The following AKAP13 variants were observed in gnomAD, a reference collection of about 807,000 sequenced individuals.
AKAP13 encodes the protein A-kinase anchor protein 13.
AKAP13 carries 80 observed loss-of-function variants against 264.5 expected under a neutral mutation model. The observed-to-expected ratio is 0.30, with a 90% CI of 0.25 to 0.36. AKAP13 has a LOEUF of 0.36. AKAP13 is among the 10% of genes least tolerant of loss of function. The probability of loss-of-function intolerance (pLI) is 1.00; values close to 1 mark genes in which losing one functional copy is unlikely to be tolerated. For missense variants in AKAP13, 3,712 were observed against 3,435.2 expected (o/e 1.08, Z -2.01); for synonymous variants, 1,380 against 1,250.2 (o/e 1.10, Z -2.19).
At chr15:85,731,810 G>T (rs546419766) in intron 30 of AKAP13, among the ~76,000 whole-genome samples, 1 of 152,024 alleles carries the variant, frequency 6.6e-6, no homozygotes, top group Non-Finnish European at 1.5e-5. Flanking sequence ...GGCCAGGCAC[G>T]GTGGCTCATT....
chr15:85,709,549 G>A (rs1323831826), intron 18 of AKAP13, among the ~76,000 whole-genome samples: 1 of 152,108 alleles, frequency 6.6e-6, no homozygotes, highest in Non-Finnish European at 1.5e-5. Context: ...AGTCATTTGA[G>A]TTTGTGATCT....
At chr15:85,552,156 A>G (rs2077980418) in intron 5 of AKAP13, among the ~76,000 whole-genome samples, 2 of 152,252 alleles carry the variant, frequency 1.3e-5, no homozygotes, top group Non-Finnish European at 1.5e-5. Context: ...GCATTTATTA[A>G]TATCTGCCTG....
At position 85,696,550 on chromosome 15, in the gene AKAP13, C is replaced by G. The variant is rs370498200; in HGVS notation, c.5464+3099C>G. Among the ~76,000 whole-genome samples the G allele has an allele frequency of 2.0e-4, 30 of 152,256 alleles. No individual in the cohort carries two copies. The East Asian group carries it at 5.2e-3, about 26-fold the overall frequency. ...GGATTGTTTTTTACATCCCTCCTTG[C>G]AGTGTGCCAGTTCTTCTTTTGGAGA... On this transcript the variant is annotated intron_variant, in intron 17 of 36. Transcript: ENST00000394518.
rs1330987897 is a variant in AKAP13, at chr15:85,537,733, A to ATC, written c.478+3859_478+3860dup. Among the ~76,000 whole-genome samples, 7 of 152,314 alleles carry ATC rather than the reference A, an allele frequency of 4.6e-5. 1 individual carries two copies. The South Asian group carries it at 1.5e-3, about 32-fold the overall frequency. On this transcript the variant is annotated intron_variant, in intron 4 of 36. Transcript: ENST00000394518. ...TGCAAGAGTTTGTGCAAAATACTCAATCTCTCTGTTACTTAATTTCCTCAT... is the reference window on the plus strand; with the variant it reads ...TGCAAGAGTTTGTGCAAAATACTCAATCTCTCTCTGTTACTTAATTTCCTCAT...
At chr15:85,742,010 A>G (rs2089044163) in intron 35 of AKAP13, among the ~76,000 whole-genome samples, 1 of 152,156 alleles carries the variant, frequency 6.6e-6, no homozygotes, top group African/African-American at 2.4e-5. Context: ...TCGCCACTGC[A>G]CTCCAGCCTG....
At chr15:85,612,705 C>A (rs1050735715) in intron 8 of AKAP13, among the ~76,000 whole-genome samples, 2 of 151,748 alleles carry the variant, frequency 1.3e-5, no homozygotes, top group African/African-American at 4.8e-5. Context: ...TGCCTATAAT[C>A]CCCAGATACT....
intron 5 of AKAP13, among the ~76,000 whole-genome samples, chr15:85,569,299 A>C (rs915426973): frequency 6.6e-6 from 1 of 152,132 alleles, no homozygotes; most frequent in African/African-American, 2.4e-5. Context: ...AGATGAAAGA[A>C]GAGGACTGAA....
chr15:85,615,593 C>T (rs2080901019), intron 8 of AKAP13, among the ~76,000 whole-genome samples: 1 of 152,172 alleles, frequency 6.6e-6, no homozygotes, highest in East Asian at 1.9e-4. Flanking sequence ...ATATGTGTAA[C>T]TCTGGATGGA....
chr15:85,496,574 CT>C (rs2075878664), intron 2 of AKAP13, among the ~76,000 whole-genome samples: 1 of 152,138 alleles, frequency 6.6e-6, no homozygotes, highest in Non-Finnish European at 1.5e-5. Flanking sequence ...TCTCAGTTGC[CT>C]CCTTATAGGG....
chr15:85,447,903 G>C (rs761153435), intron 1 of AKAP13, among the ~76,000 whole-genome samples: 4 of 152,252 alleles, frequency 2.6e-5, no homozygotes, highest in Middle Eastern at 6.8e-3. Context: ...GGGATTGCTG[G>C]GTTGAATGGT....
chr15:85,416,148 A>G (rs925851280), intron 1 of AKAP13, among the ~76,000 whole-genome samples: 4 of 152,280 alleles, frequency 2.6e-5, no homozygotes, highest in African/African-American at 4.8e-5. Flanking sequence ...TTACTCTTTT[A>G]TAATTGTAGA....
intron 10 of AKAP13, 76 bp downstream of exon 10, chr15:85,646,030 A>G (rs970494480): frequency 2.6e-6 from 4 of 1,548,270 alleles, no homozygotes; most frequent in Non-Finnish European, 2.6e-6. Context: ...ACTCTTTTCC[A>G]ACTTTTTCCC....
chr15:85,584,084 C>T (rs1031993962), intron 7 of AKAP13, among the ~76,000 whole-genome samples: 1 of 152,172 alleles, frequency 6.6e-6, no homozygotes, highest in Admixed American at 6.5e-5. Flanking sequence ...AGAGAAAAAG[C>T]ACCTGAGTGT....
rs371058192 is a variant in AKAP13 at position 85,581,587 on chromosome 15, C to T, written c.3519C>T (p.Asp1173=). 64 of 1,614,142 alleles carry T rather than the reference C, an allele frequency of 4.0e-5. 1 individual carries two copies. In the South Asian group the frequency reaches 5.1e-4, roughly 13 times the overall value. Residue 1173 remains aspartate, a synonymous_variant, in exon 7 of 37, where the codon GAC becomes GAT. Transcript: ENST00000394518. ...EGADHSCTMG[D]AEEAQIDDEA... is the part of the protein sequence containing the mutation. ...CAGACCACAGCTGTACCATGGGTGA[C>T]GCTGAGGAAGCCCAAATAGACGATG...
intron 16 of AKAP13, chr15:85,691,862 A>C (rs974912080): frequency 4.1e-6 from 2 of 493,566 alleles, no homozygotes; most frequent in East Asian, 1.2e-4. Context: ...TTCACAAAAG[A>C]GGTCAGAGAG....
At chr15:85,527,321 A>G (rs181531045) in intron 3 of AKAP13, among the ~76,000 whole-genome samples, 5 of 152,188 alleles carry the variant, frequency 3.3e-5, no homozygotes, top group Admixed American at 1.3e-4. Context: ...TGAACACAGC[A>G]CTGGAATCCT....
At chr15:85,474,711 T>G (rs564940669) in intron 1 of AKAP13, among the ~76,000 whole-genome samples, 1 of 152,346 alleles carries the variant, frequency 6.6e-6, no homozygotes. Context: ...TTCCTTCCAA[T>G]TTTGATAGGT....
intron 10 of AKAP13, 45 bp from the exon 11 acceptor site, chr15:85,655,368 CTGAT>C: frequency 6.4e-7 from 1 of 1,570,812 alleles, no homozygotes; most frequent in East Asian, 2.3e-5. Context: ...CTGAGGCTAT[CTGAT>C]TGGCCCTGCT....
chr15:85,744,405 C>G (rs1014279976), intron 36 of AKAP13: 7 of 543,738 alleles, frequency 1.3e-5, no homozygotes, highest in Admixed American at 6.7e-5. Flanking sequence ...TTCATAAATT[C>G]TAGTGATTAT....
Sources: allele counts gnomAD v4.1 joint callset (sites outside exome capture counted in the v4.1 genomes callset), GRCh38; gene constraint gnomAD v4.1.1; transcripts MANE v1.5; gene names NCBI Gene and HGNC (gene_info 2026-07-23, HGNC 2026-07-21).